Variants in VAV2 observed in about 807,000 individuals in gnomAD.
The protein encoded by VAV2 is vav guanine nucleotide exchange factor 2.
Under a neutral mutation model 132.5 loss-of-function variants are expected in VAV2, and 67 were observed. The observed-to-expected ratio is 0.51, with a 90% CI of 0.42 to 0.62. The LOEUF is 0.62. VAV2 is among the 20% of genes least tolerant of loss of function. The pLI is 0.00. For missense variants in VAV2, 938 were observed against 1,153.6 expected, an observed-to-expected ratio of 0.81 and a Z score of 2.71; for synonymous variants, 492 against 443.5, an observed-to-expected ratio of 1.11 and a Z score of -1.37.
At chr9:133,815,696 C>T (rs1835531797) in intron 4 of VAV2, among the ~76,000 whole-genome samples, 1 of 152,194 alleles carries the variant, frequency 6.6e-6, no homozygotes, top group Non-Finnish European at 1.5e-5. Context: ...ACCCATCTTC[C>T]TTCTTTATGG....
chr9:133,890,446 TG>T (rs956928227), intron 2 of VAV2, among the ~76,000 whole-genome samples: 2 of 152,118 alleles, frequency 1.3e-5, no homozygotes, highest in African/African-American at 4.8e-5. Flanking sequence ...AGAAACCACT[TG>T]GGAGAGCAGA....
chr9:133,989,098 G>A (rs1842939414), intron 1 of VAV2, among the ~76,000 whole-genome samples: 1 of 152,064 alleles, frequency 6.6e-6, no homozygotes, highest in African/African-American at 2.4e-5. Flanking sequence ...CAACACTTTG[G>A]GAGGCCGAGG....
chr9:133,896,825 T>C (rs1839223828), intron 2 of VAV2, among the ~76,000 whole-genome samples: 1 of 152,122 alleles, frequency 6.6e-6, no homozygotes, highest in Non-Finnish European at 1.5e-5. Context: ...GCGGGTACAG[T>C]GGCTCACGCC....
Position 133,918,756 on chromosome 9 carries a change from T to C in VAV2, c.321+20347A>G, listed in dbSNP as rs1398806584. ...TAAGCCTCCCAAGAAGCAGCCGCCA[T>C]GTGTGTGTGTGTGTTTGTTTGTTTG... On this transcript the variant is annotated intron_variant, in intron 2 of 29. Coordinates refer to ENST00000371850, the MANE Select transcript of VAV2 (RefSeq NM_001134398.2). The surrounding 1 kb of genome is among the most constrained non-coding windows in gnomAD (Gnocchi z 4.7). Among the ~76,000 whole-genome samples, 1 of 117,496 alleles carries C rather than the reference T, an allele frequency of 8.5e-6. No homozygotes were observed. Among genetic ancestry groups the C allele is most frequent in the Non-Finnish European group, 1.6e-5 (1 of 64,412 alleles). The allele number at this position is 117,496 out of a possible 152,430, so 77.1% of individuals were successfully genotyped here. A position where few individuals can be genotyped will look rare whatever the true frequency, so the allele number is the denominator to read the frequency against.
chr9:133,912,908 C>A lies in VAV2; in HGVS notation c.321+26195G>T, dbSNP rs1408588471. 6.6e-6 allele frequency among the ~76,000 whole-genome samples: 1 copy of A among 152,172 alleles called. No homozygotes were observed. Among genetic ancestry groups the A allele is most frequent in the Non-Finnish European group, 1.5e-5 (1 of 68,038 alleles). ...GAATCAGGGCTCCTGATCCTGGTGA[C>A]TTTAAGGAGGAAAATCCAACTTCAG... is the stretch of plus-strand genomic sequence containing the variant. On this transcript the variant is annotated intron_variant, in intron 2 of 29. Coordinates refer to ENST00000371850, the MANE Select transcript of VAV2 (RefSeq NM_001134398.2). This position sits in a 1 kb window ranked among gnomAD's most constrained non-coding sequence, Gnocchi z 4.3.
intron 2 of VAV2, among the ~76,000 whole-genome samples, chr9:133,923,544 G>A (rs1840368286): frequency 6.6e-6 from 1 of 152,190 alleles, no homozygotes; most frequent in African/African-American, 2.4e-5. Context: ...CACTGTTGGT[G>A]GGAGTGTAAA....
intron 1 of VAV2, among the ~76,000 whole-genome samples, chr9:133,963,235 AT>A (rs1842020898): frequency 6.6e-6 from 1 of 152,174 alleles, no homozygotes; most frequent in African/African-American, 2.4e-5. Flanking sequence ...GTAAGTATCA[AT>A]TAATGATCAG....
chr9:133,770,440 G>A lies in VAV2; in HGVS notation c.2285C>T (p.Thr762Ile), dbSNP rs773411427. The A allele has an allele frequency of 1.2e-6, 2 of 1,614,054 alleles. No homozygotes were observed. Among genetic ancestry groups the A allele is most frequent in the African/African-American group, 2.7e-5 (2 of 74,942 alleles). ...CCGGGACTTGTAGGGGTACTTGAGT[G>A]TGGTGTCCAGCTGCTTGAAGCTCTC... is the stretch of plus-strand genomic sequence containing the variant. ...LKESFKQLDT[T>I]LKYPYKSRER... The change falls in exon 27 of 30, where the codon ACA becomes ATA. Residue 762 changes from threonine to isoleucine, a missense_variant. Transcript: ENST00000371850.
intron 4 of VAV2, among the ~76,000 whole-genome samples, chr9:133,822,731 A>G (rs1835843292): frequency 6.6e-6 from 1 of 151,980 alleles, no homozygotes; most frequent in Admixed American, 6.6e-5. Context: ...CCTGGCCGTA[A>G]CTCCCTCTTT....
Position 133,991,197 on chromosome 9 carries a change from A to G in VAV2, c.204+878T>C, listed in dbSNP as rs1035609096. On this transcript the variant is annotated intron_variant, in intron 1 of 29. Transcript: ENST00000371850. The surrounding 1 kb of genome is among the most constrained non-coding windows in gnomAD (Gnocchi z 4.8). ...GCTGCCACCCGCTCTGCCTCCCCCG[A>G]CCTCTTCTAAGCTGCTCCCGGTAAG... Among the ~76,000 whole-genome samples, 16 of 151,508 alleles carry G rather than the reference A, an allele frequency of 1.1e-4. No homozygotes were observed. The highest frequency in any genetic ancestry group is 1.5e-4 in the Non-Finnish European group (10 of 67,850).
chr9:133,856,152 G>A (rs562428483), intron 3 of VAV2, among the ~76,000 whole-genome samples: 1 of 152,346 alleles, frequency 6.6e-6, no homozygotes, highest in South Asian at 2.1e-4. Context: ...GGCGGTGACT[G>A]CTCATGGCGA....
At position 133,791,807 on chromosome 9, in the gene VAV2, T is replaced by C. The variant is rs1264358580; in HGVS notation, c.1164A>G (p.Glu388=). The C allele has an allele frequency of 1.9e-6, 3 of 1,614,166 alleles. No homozygotes were observed. The highest frequency in any genetic ancestry group is 2.5e-6 in the Non-Finnish European group (3 of 1,180,016). Reference sequence around the variant, plus strand: ...CCAAATTTTCTATAGAACTCTGAAATTCGCTGATTTTCCTCAAGGTCTCCT... The same window carrying C: ...CCAAATTTTCTATAGAACTCTGAAACTCGCTGATTTTCCTCAAGGTCTCCT... ...RDKETLRKIS[E]FQSSIENLQV... The change falls in exon 13 of 30, where the codon GAA becomes GAG. Residue 388 remains glutamate, a synonymous_variant. Transcript: ENST00000371850.
intron 2 of VAV2, among the ~76,000 whole-genome samples, chr9:133,906,926 C>G (rs1255483205): frequency 3.3e-5 from 5 of 152,132 alleles, no homozygotes; most frequent in Non-Finnish European, 5.9e-5. Flanking sequence ...AACAGACAGA[C>G]ATAGAGACCT....
Position 133,964,589 on chromosome 9 carries a change from C to A in VAV2, c.205-25370G>T, listed in dbSNP as rs554696982. Among the ~76,000 whole-genome samples the A allele has an allele frequency of 2.6e-5, 4 of 152,078 alleles. No homozygotes were observed. In the East Asian group the frequency reaches 7.7e-4, roughly 29 times the overall value. ...AATCATCCACAAAATCCTAGCAAAC[C>A]AAATCCAACAACACAATATAAAGAC... On this transcript the variant is annotated intron_variant, in intron 1 of 29. Transcript: ENST00000371850.
chr9:133,770,578 CCA>C lies in VAV2; in HGVS notation c.2224-79_2224-78del, dbSNP rs909126713. The C allele has an allele frequency of 4.4e-5, 69 of 1,582,012 alleles. 1 individual carries two copies. In the African/African-American group the frequency reaches 7.5e-4, roughly 17 times the overall value. On this transcript the variant is annotated intron_variant, in intron 26 of 29. Coordinates refer to ENST00000371850, the MANE Select transcript of VAV2 (RefSeq NM_001134398.2). Reference sequence around the variant, plus strand: ...CCCCCAGTGACCTGGCCTCCCTCTCCCACCTCTTGGTTCATGTGGGGGAGACT... The same window carrying C: ...CCCCCAGTGACCTGGCCTCCCTCTCCCCTCTTGGTTCATGTGGGGGAGACT...
At chr9:133,791,545 C>CT (rs1368391414) in intron 13 of VAV2, among the ~76,000 whole-genome samples, 4 of 151,936 alleles carry the variant, frequency 2.6e-5, no homozygotes, top group African/African-American at 9.7e-5. Flanking sequence ...CCCCGTCCCC[C>CT]TCCCCCCGAG....
At chr9:133,791,496 C>T (rs969428756) in intron 13 of VAV2, among the ~76,000 whole-genome samples, 6 of 152,110 alleles carry the variant, frequency 3.9e-5, no homozygotes, top group African/African-American at 1.4e-4. Flanking sequence ...AGAAGGGGGG[C>T]TGGGCAATGA....
At chr9:133,938,959 C>G in intron 2 of VAV2, 144 bp downstream of exon 2, 1 of 772,804 alleles carries the variant, frequency 1.3e-6, no homozygotes, top group Middle Eastern at 3.7e-4. Flanking sequence ...CCTGCCTGCA[C>G]CTCCCGGACA....
intron 1 of VAV2, among the ~76,000 whole-genome samples, chr9:133,941,178 C>G (rs369608965): frequency 6.6e-6 from 1 of 152,122 alleles, no homozygotes; most frequent in Non-Finnish European, 1.5e-5. Flanking sequence ...GAGGCCGAGG[C>G]GGGTAGATCA....
Sources: allele counts gnomAD v4.1 joint callset (sites outside exome capture counted in the v4.1 genomes callset), GRCh38; gene constraint gnomAD v4.1.1; non-coding constraint Gnocchi (gnomAD v3.1); transcripts MANE v1.5; gene names NCBI Gene and HGNC (gene_info 2026-07-23, HGNC 2026-07-21).